CLVS1: variants seen among roughly 807,000 people sequenced by gnomAD.
CLVS1 encodes clavesin-1.
Under a neutral mutation model 33.1 loss-of-function variants are expected in CLVS1, and 10 were observed. The observed-to-expected ratio is 0.30, with a 90% confidence interval of 0.19 to 0.51. The LOEUF (loss-of-function observed/expected upper bound fraction) is 0.51, where lower values mean the gene tolerates loss of function less well. Among genes scored for constraint, CLVS1 ranks in the 20% least tolerant of loss-of-function variants. The pLI, the probability that CLVS1 is intolerant of heterozygous loss-of-function variation, is 0.97. For synonymous variants in CLVS1, 163 were observed against 166.1 expected, an observed-to-expected ratio of 0.98 and a Z score of 0.14; for missense variants, 343 against 433.4, an observed-to-expected ratio of 0.79 and a Z score of 1.85.
intron 2 of CLVS1, among the ~76,000 whole-genome samples, chr8:61,344,533 T>G (rs1292981141): frequency 1.3e-5 from 2 of 152,228 alleles, no homozygotes; most frequent in Non-Finnish European, 2.9e-5. Flanking sequence ...TGGAGTAATC[T>G]GGTTCTACTG....
intron 3 of CLVS1, among the ~76,000 whole-genome samples, chr8:61,383,614 T>C (rs1170916904): frequency 6.6e-6 from 1 of 152,218 alleles, no homozygotes; most frequent in African/African-American, 2.4e-5. Context: ...ATGATATGAA[T>C]ATTAGAGGAA....
At chr8:61,075,164 C>G (rs909325558) in intron 1 of CLVS1, among the ~76,000 whole-genome samples, 1 of 152,154 alleles carries the variant, frequency 6.6e-6, no homozygotes, top group African/African-American at 2.4e-5. Context: ...GCACTGTGGA[C>G]TGCTCAAGGG....
At chr8:61,291,142 G>A (rs1809973892) in intron 1 of CLVS1, among the ~76,000 whole-genome samples, 1 of 152,184 alleles carries the variant, frequency 6.6e-6, no homozygotes, top group East Asian at 1.9e-4. Flanking sequence ...TCTTCCCTAA[G>A]TCTGATGCCT....
chr8:61,082,484 C>G (rs968094717), intron 1 of CLVS1, among the ~76,000 whole-genome samples: 4 of 144,460 alleles, frequency 2.8e-5, no homozygotes, highest in African/African-American at 7.8e-5. Flanking sequence ...AACAAAGAAA[C>G]AAACAAACAA....
intron 5 of CLVS1, among the ~76,000 whole-genome samples, chr8:61,466,122 A>G (rs1375252030): frequency 6.6e-6 from 1 of 152,244 alleles, no homozygotes; most frequent in Non-Finnish European, 1.5e-5. Flanking sequence ...GTAACCCAAC[A>G]TTAAAACTGT....
intron 1 of CLVS1, among the ~76,000 whole-genome samples, chr8:61,122,810 C>G (rs1316819062): frequency 9.7e-6 from 1 of 103,396 alleles, no homozygotes; most frequent in Non-Finnish European, 2.2e-5. Flanking sequence ...CCTTTCCCAG[C>G]TCTCTGGCTC....
intron 2 of CLVS1, among the ~76,000 whole-genome samples, chr8:61,239,154 T>C (rs763823863): frequency 3.9e-5 from 6 of 152,190 alleles, no homozygotes; most frequent in Non-Finnish European, 8.8e-5. Flanking sequence ...TGCTATTAAC[T>C]GCTTTGTTTA....
the CLVS1 span, among the ~76,000 whole-genome samples, chr8:60,974,025 T>C: frequency 6.6e-6 from 1 of 152,242 alleles, no homozygotes; most frequent in Non-Finnish European, 1.5e-5. Context: ...AGACTTGAGA[T>C]GGTTTTGTCA....
chr8:61,197,462 A>G (rs565989741), intron 2 of CLVS1, among the ~76,000 whole-genome samples: 1 of 152,196 alleles, frequency 6.6e-6, no homozygotes, highest in East Asian at 1.9e-4. Context: ...GTAGCTCTAT[A>G]GTATAATTTG....
intron 3 of CLVS1, among the ~76,000 whole-genome samples, chr8:61,410,066 G>GTTTTTTTTT (rs201195565): frequency 1.3e-4 from 14 of 106,918 alleles, no homozygotes; most frequent in East Asian, 2.5e-4. Flanking sequence ...ACTTGCAGAG[G>GTTTTTTTTT]TTTTTTTTTT....
intron 2 of CLVS1, among the ~76,000 whole-genome samples, chr8:61,322,762 T>G (rs1322991573): frequency 6.6e-6 from 1 of 152,164 alleles, no homozygotes; most frequent in African/African-American, 2.4e-5. Context: ...TCTTCTCATC[T>G]CAATTAATCA....
the CLVS1 span, among the ~76,000 whole-genome samples, chr8:60,994,656 T>TAA: frequency 2.0e-5 from 3 of 151,984 alleles, no homozygotes; most frequent in East Asian, 5.8e-4. Flanking sequence ...CTGATGACAT[T>TAA]AAAAAAATTT....
chr8:61,431,553 C>T (rs1014634447), intron 3 of CLVS1, among the ~76,000 whole-genome samples: 1 of 152,220 alleles, frequency 6.6e-6, no homozygotes, highest in Non-Finnish European at 1.5e-5. Context: ...ATTCAAATCC[C>T]TTCCCCAACC....
Position 61,078,731 on chromosome 8 carries a change from T to C in CLVS1, c.-243+21501T>C, listed in dbSNP as rs575300115. On this transcript the variant is annotated intron_variant, in intron 1 of 2. Transcript: ENST00000522621. The stretch of plus-strand genomic sequence containing the variant: ...GTGTGGAAGCCTCAAGGCTTTCTTC[T>C]GTATCTTGAGAGACTCCTTTTGAGT... Among the ~76,000 whole-genome samples, 9 of 152,364 alleles carry C rather than the reference T, an allele frequency of 5.9e-5. No homozygotes were observed. The East Asian group carries it at 7.7e-4, about 13-fold the overall frequency.
At chr8:60,966,270 C>T in the CLVS1 span, 1 of 415,022 alleles carries the variant, frequency 2.4e-6, no homozygotes. Context: ...GGAAGTTGGT[C>T]AGCATGGGTG....
intron 3 of CLVS1, among the ~76,000 whole-genome samples, chr8:61,384,900 A>C (rs1473066171): frequency 1.3e-5 from 2 of 152,308 alleles, no homozygotes; most frequent in East Asian, 3.9e-4. Context: ...GGAGATCGGG[A>C]CAGGAAGCTG....
chr8:61,064,450 T>A (rs1474464122), intron 1 of CLVS1, among the ~76,000 whole-genome samples: 1 of 152,196 alleles, frequency 6.6e-6, no homozygotes, highest in East Asian at 1.9e-4. Flanking sequence ...GTTTTCCTAA[T>A]GACTAGTGCT....
chr8:61,348,625 A>G (rs1467133617), intron 2 of CLVS1, among the ~76,000 whole-genome samples: 1 of 152,038 alleles, frequency 6.6e-6, no homozygotes, highest in Non-Finnish European at 1.5e-5. Context: ...TTATCTACTG[A>G]TGGACATTTA....
At chr8:61,486,002 C>T (rs147819358) in intron 5 of CLVS1, among the ~76,000 whole-genome samples, 13,265 of 151,954 alleles carry the variant, frequency 0.087, 673 homozygotes, top group Non-Finnish European at 0.12. Context: ...ATGTAAATGA[C>T]GAGTTAATGG....
Sources: gnomAD v4.1 joint callset for allele counts (sites outside exome capture counted in the v4.1 genomes callset) on GRCh38, gnomAD v4.1.1 for gene constraint, MANE v1.5 for transcripts, NCBI Gene and HGNC (gene_info 2026-07-23, HGNC 2026-07-21) for gene names.